Variants in ZNF708 observed in about 807,000 individuals in gnomAD.
ZNF708 encodes the protein ZNF15, ZNF15L1.
In ZNF708, 44 loss-of-function variants were observed where a neutral mutation model predicts 47.0. The observed-to-expected ratio is 0.94, with a 90% CI of 0.74 to 1.20. The LOEUF (loss-of-function observed/expected upper bound fraction) is 1.20, where lower values mean the gene tolerates loss of function less well. Among genes scored for constraint, ZNF708 ranks in the 50% most tolerant of loss-of-function variants. The probability of loss-of-function intolerance (pLI) is 0.00; values close to 1 mark genes in which losing one functional copy is unlikely to be tolerated. For missense variants in ZNF708, 557 were observed against 656.0 expected (o/e 0.85, Z 1.65); for synonymous variants, 184 against 218.5 (o/e 0.84, Z 1.39).
intron 2 of ZNF708, among the ~76,000 whole-genome samples, chr19:21,310,199 C>A (rs1972867382): frequency 6.6e-6 from 1 of 152,074 alleles, no homozygotes; most frequent in Non-Finnish European, 1.5e-5. Flanking sequence ...GTAATCCCAG[C>A]ACTTTGGGAG....
At chr19:21,308,973 GA>G (rs58527177) in intron 3 of ZNF708, among the ~76,000 whole-genome samples, 1 of 151,190 alleles carries the variant, frequency 6.6e-6, no homozygotes, top group Non-Finnish European at 1.5e-5. Context: ...AAAAACAATG[GA>G]AAAAAAAAGT....
At chr19:21,299,558 C>G (rs1281459993) in intron 3 of ZNF708, among the ~76,000 whole-genome samples, 3 of 151,890 alleles carry the variant, frequency 2.0e-5, no homozygotes, top group Non-Finnish European at 2.9e-5. Flanking sequence ...CAAGACCAGC[C>G]TGGCCAACAT....
chr19:21,309,249 G>T lies in ZNF708; in HGVS notation c.223C>A (p.Pro75Thr). The stretch of plus-strand genomic sequence containing the variant: ...TGTTGTGTTCACTCTCACCTACCTG[G>T]GGGTTTGGCTGCCATCTCGTGTCTC... ...MKRHEMAAKP[P>T]AMCSHFAKDL... The change falls in exon 3 of 4, where the codon CCA (proline) becomes ACA (threonine). Residue 75 changes from proline (P) to threonine (T), a missense_variant. Transcript: ENST00000356929. 1 of 1,600,752 alleles carries T rather than the reference G, an allele frequency of 6.2e-7. No individual in the cohort carries two copies. The highest frequency in any genetic ancestry group is 2.3e-5 in the East Asian group (1 of 44,114).
At chr19:21,326,968 TA>T (rs1973268432) in intron 1 of ZNF708, among the ~76,000 whole-genome samples, 1 of 151,598 alleles carries the variant, frequency 6.6e-6, no homozygotes, top group Non-Finnish European at 1.5e-5. Flanking sequence ...TATTTGATTA[TA>T]TATATATTCA....
chr19:21,311,407 TA>T (rs1972896028), intron 1 of ZNF708, among the ~76,000 whole-genome samples: 1 of 151,776 alleles, frequency 6.6e-6, no homozygotes, highest in South Asian at 2.1e-4. Context: ...CCGAAAGAAT[TA>T]TTAACATCAA....
At chr19:21,298,004 C>T (rs187436716) in intron 3 of ZNF708, among the ~76,000 whole-genome samples, 51 of 151,542 alleles carry the variant, frequency 3.4e-4, no homozygotes, top group Admixed American at 1.7e-3. Context: ...TGTGTACAGA[C>T]GCACATCTCA....
intron 1 of ZNF708, among the ~76,000 whole-genome samples, chr19:21,312,710 A>C (rs528340400): frequency 2.3e-4 from 35 of 152,292 alleles, no homozygotes; most frequent in African/African-American, 8.4e-4. Flanking sequence ...AAATGTTTTA[A>C]ACAAGACCCC....
At chr19:21,297,435 T>G (rs1180030694) in intron 3 of ZNF708, among the ~76,000 whole-genome samples, 1 of 150,560 alleles carries the variant, frequency 6.6e-6, no homozygotes, top group Non-Finnish European at 1.5e-5. Flanking sequence ...TTCTAAAGTT[T>G]TTATGTAATT....
At chr19:21,301,413 G>A (rs1162317488) in intron 3 of ZNF708, among the ~76,000 whole-genome samples, 1 of 151,880 alleles carries the variant, frequency 6.6e-6, no homozygotes, top group Non-Finnish European at 1.5e-5. Context: ...AGGAGTTTGA[G>A]ACCAGCCTGG....
At position 21,293,454 on chromosome 19, in the gene ZNF708, G is replaced by A. The variant is rs757753561; in HGVS notation, c.1512C>T (p.Tyr504=). 5.0e-6 allele frequency: 8 copies of A among 1,613,548 alleles called. No homozygotes were observed. The East Asian group carries it at 1.6e-4, about 32-fold the overall frequency. Residue 504 remains tyrosine (Y), a synonymous_variant, in exon 4 of 4, where the codon TAC becomes TAT. Coordinates refer to ENST00000356929, the MANE Select transcript of ZNF708 (RefSeq NM_021269.3). ...HKIIHTGEKP[Y]KCKECGKAFN... Reference sequence around the variant, plus strand: ...AAGCTTTGCCACATTCTTTACATTTGTAGGGTTTCTCTCCAGTATGAATTA... The same window carrying A: ...AAGCTTTGCCACATTCTTTACATTTATAGGGTTTCTCTCCAGTATGAATTA...
intron 1 of ZNF708, among the ~76,000 whole-genome samples, chr19:21,315,223 C>G (rs926106594): frequency 1.1e-4 from 17 of 152,176 alleles, no homozygotes; most frequent in African/African-American, 2.4e-5. Context: ...CAAGATCTTA[C>G]TGGACAAAAT....
chr19:21,301,856 T>C (rs571293625), intron 3 of ZNF708, among the ~76,000 whole-genome samples: 1 of 152,102 alleles, frequency 6.6e-6, no homozygotes, highest in South Asian at 2.1e-4. Flanking sequence ...AAAATATTTC[T>C]AACCAATAAT....
intron 1 of ZNF708, among the ~76,000 whole-genome samples, chr19:21,328,811 C>G (rs571165273): frequency 6.6e-6 from 1 of 152,206 alleles, no homozygotes; most frequent in Non-Finnish European, 1.5e-5. Context: ...ATGACTGCCA[C>G]AGATTTTTAA....
rs1972455569 is a variant in ZNF708, at chr19:21,293,807, T to C, written c.1159A>G (p.Thr387Ala). ...SHLTNHKVIH[T>A]GEKPYKCEEC... ...TCACATTTGTAGGGTTTCTCTCCAG[T>C]ATGAATTACCTTATGATTAGTAAGG... The change falls in exon 4 of 4, where the codon ACT becomes GCT. Residue 387 changes from threonine to alanine, a missense_variant. Coordinates refer to ENST00000356929, the MANE Select transcript of ZNF708 (RefSeq NM_021269.3). The C allele has an allele frequency of 6.2e-7, 1 of 1,613,500 alleles. No homozygotes were observed. Among genetic ancestry groups the C allele is most frequent in the Non-Finnish European group, 8.5e-7 (1 of 1,179,852 alleles).
intron 3 of ZNF708, among the ~76,000 whole-genome samples, chr19:21,303,269 T>C (rs762409716): frequency 6.6e-6 from 1 of 152,048 alleles, no homozygotes; most frequent in Admixed American, 6.6e-5. Context: ...AATGAATAAA[T>C]AGGCCAGGCA....
At chr19:21,328,313 T>C (rs1030262986) in intron 1 of ZNF708, among the ~76,000 whole-genome samples, 1 of 152,040 alleles carries the variant, frequency 6.6e-6, no homozygotes, top group African/African-American at 2.4e-5. Flanking sequence ...TGTCAAAAAA[T>C]GATTAACTAA....
rs1394503451 is a variant in ZNF708, at chr19:21,294,118, T to C, written c.848A>G (p.Glu283Gly). 2.5e-6 allele frequency: 4 copies of C among 1,613,104 alleles called. No individual in the cohort carries two copies. In the East Asian group the frequency reaches 6.7e-5, roughly 27 times the overall value. Residue 283 changes from glutamate (E) to glycine (G), a missense_variant, in exon 4 of 4, where the codon GAA becomes GGA. Transcript: ENST00000356929. ...VHTGEKPYKCEECGKAFKQSS... is the reference protein window; with the variant it reads ...VHTGEKPYKCGECGKAFKQSS... ...CTGTTTAAAAGCTTTGCCACATTCT[T>C]CACATTTGTAGGGTTTCTCTCCAGT...
At chr19:21,311,162 GT>G (rs1972891458) in intron 1 of ZNF708, among the ~76,000 whole-genome samples, 2 of 151,864 alleles carry the variant, frequency 1.3e-5, no homozygotes, top group Non-Finnish European at 2.9e-5. Flanking sequence ...AAGGGCCTGT[GT>G]TTTTTTCAGT....
At chr19:21,296,054 G>C (rs1972520758) in intron 3 of ZNF708, among the ~76,000 whole-genome samples, 1 of 151,906 alleles carries the variant, frequency 6.6e-6, no homozygotes, top group Non-Finnish European at 1.5e-5. Context: ...AGAATCTTGG[G>C]AGCTGCAAGA....
Sources: gnomAD v4.1 joint callset for allele counts (sites outside exome capture counted in the v4.1 genomes callset) on GRCh38, gnomAD v4.1.1 for gene constraint, MANE v1.5 for transcripts, NCBI Gene and HGNC (gene_info 2026-07-23, HGNC 2026-07-21) for gene names.